The following INTS1 variants were observed in gnomAD, a reference collection of about 807,000 sequenced individuals.
INTS1 encodes the protein integrator complex subunit 1.
In INTS1, 137 loss-of-function variants were observed where a neutral mutation model predicts 241.6. The ratio of observed to expected loss-of-function variants is 0.57; its 90% confidence interval spans 0.49 to 0.65. The LOEUF is 0.65. INTS1 is among the 30% of genes least tolerant of loss of function. The pLI, the probability that INTS1 is intolerant of heterozygous loss-of-function variation, is 0.00. For synonymous variants in INTS1, 1,692 were observed against 1,337.8 expected (o/e 1.26, Z -5.78); for missense variants, 3,073 against 3,032.2 (o/e 1.01, Z -0.32).
At chr7:1,479,373 G>A (rs1781883468) in intron 31 of INTS1, 57 bp downstream of exon 31, 4 of 1,525,390 alleles carry the variant, frequency 2.6e-6, no homozygotes, top group East Asian at 2.5e-5. Context: ...GGGCCGTCCT[G>A]CGGGAGGCAG....
At position 1,473,548 on chromosome 7, in the gene INTS1, C is replaced by T. The variant is rs927402233; in HGVS notation, c.5957+18G>A. On this transcript the variant is annotated intron_variant, in intron 42 of 47. Coordinates refer to ENST00000404767, the MANE Select transcript of INTS1 (RefSeq NM_001080453.3). ...TCGCCGGAGGCCCGAGGCTTCCCTG[C>T]AGCCCGTGGGCACTCACTGGAGCGG... 1.3e-6 allele frequency: 2 copies of T among 1,574,476 alleles called. No homozygotes were observed. The highest frequency in any genetic ancestry group is 1.2e-5 in the South Asian group (1 of 86,542).
In INTS1 at chr7:1,496,721, G is replaced by A. The variant is rs191011960; in HGVS notation, c.1602+417C>T. Among the ~76,000 whole-genome samples the A allele has an allele frequency of 3.3e-5, 5 of 152,288 alleles. No individual in the cohort carries two copies. The East Asian group carries it at 9.7e-4, about 30-fold the overall frequency. Reference sequence around the variant, plus strand: ...GTCCGCAAAACAGGCCACCCCGGCAGGCTGGCTGCGAGTTGGCTGCAGGGA... The same window carrying A: ...GTCCGCAAAACAGGCCACCCCGGCAAGCTGGCTGCGAGTTGGCTGCAGGGA... On this transcript the variant is annotated intron_variant, in intron 11 of 47. Transcript: ENST00000404767.
Position 1,481,238 on chromosome 7 carries a change from G to A in INTS1, c.3850+104C>T, listed in dbSNP as rs368741185. 3.9e-5 allele frequency: 52 copies of A among 1,344,660 alleles called. No individual in the cohort carries two copies. The highest frequency in any genetic ancestry group is 5.7e-5 in the Admixed American group (3 of 52,718). 83.3% of individuals were successfully genotyped at this position (1,344,660 alleles called of 1,614,324 possible). A position where few individuals can be genotyped will look rare whatever the true frequency, so the allele number is the denominator to read the frequency against. On this transcript the variant is annotated intron_variant, in intron 28 of 47. Coordinates refer to ENST00000404767, the MANE Select transcript of INTS1 (RefSeq NM_001080453.3). The surrounding 1 kb of genome is among the most constrained non-coding windows in gnomAD (Gnocchi z 6.8). ...CCTCGAGTGCCACCCACACCCACCC[G>A]ACCTCGGATCACCCACCCGCTCGCA...
chr7:1,489,717 G>A (rs368678004), intron 16 of INTS1, 35 bp from the exon 17 acceptor site: 120 of 1,404,116 alleles, frequency 8.5e-5, no homozygotes, highest in African/African-American at 4.1e-4. Flanking sequence ...CAGGCCCAGC[G>A]CACCAAGCTC....
Position 1,481,544 on chromosome 7 carries a change from G to A in INTS1, c.3704-56C>T. 9 of 1,536,042 alleles carry A rather than the reference G, an allele frequency of 5.9e-6. No individual in the cohort carries two copies. In the South Asian group the frequency reaches 1.1e-4, roughly 19 times the overall value. The stretch of plus-strand genomic sequence containing the variant: ...CAAAACCCGGGCAATGCGCACTCGG[G>A]ACCCCACCCGAGACCTGGGGCTGCC... On this transcript the variant is annotated intron_variant, in intron 27 of 47. Coordinates refer to ENST00000404767, the MANE Select transcript of INTS1 (RefSeq NM_001080453.3). This position sits in a 1 kb window ranked among gnomAD's most constrained non-coding sequence, Gnocchi z 6.8.
In INTS1 at chr7:1,478,415, G is replaced by C. The variant is rs750535621; in HGVS notation, c.4581C>G (p.Thr1527=). 6.2e-6 allele frequency: 10 copies of C among 1,612,750 alleles called. No homozygotes were observed. Among genetic ancestry groups the C allele is most frequent in the South Asian group, 1.1e-5 (1 of 91,082 alleles). ...VSSTVRAVIA[T]LRSGEQCSVE... ...CGCTGCACTGCTCCCCAGACCTCAGGGTGGCGATGACGGCACGGACGGTGG... is the reference window on the plus strand; with the variant it reads ...CGCTGCACTGCTCCCCAGACCTCAGCGTGGCGATGACGGCACGGACGGTGG... Residue 1527 remains threonine (T), a synonymous_variant, in exon 33 of 48, where the codon ACC becomes ACG. Transcript: ENST00000404767.
In INTS1 at chr7:1,483,942, C is replaced by T. The variant is rs566481412; in HGVS notation, c.3429+61G>A. 8.2e-6 allele frequency: 13 copies of T among 1,586,444 alleles called. No homozygotes were observed. The Admixed American group carries it at 1.2e-4, about 14-fold the overall frequency. On this transcript the variant is annotated intron_variant, in intron 25 of 47. Coordinates refer to ENST00000404767, the MANE Select transcript of INTS1 (RefSeq NM_001080453.3). ...CCCAGCTGGCACCGAGCGTGCCGTGCAGCCTCACCCAGCCGTAGACCTCCT... is the reference window on the plus strand; with the variant it reads ...CCCAGCTGGCACCGAGCGTGCCGTGTAGCCTCACCCAGCCGTAGACCTCCT...
In INTS1 at chr7:1,487,049, C is replaced by T; in HGVS notation, c.2699G>A (p.Gly900Asp). The T allele has an allele frequency of 1.3e-6, 2 of 1,574,506 alleles. No individual in the cohort carries two copies. The highest frequency in any genetic ancestry group is 8.6e-7 in the Non-Finnish European group (1 of 1,164,430). The change falls in exon 21 of 48, where the codon GGC becomes GAC. Residue 900 changes from glycine to aspartate, a missense_variant. Coordinates refer to ENST00000404767, the MANE Select transcript of INTS1 (RefSeq NM_001080453.3). ...CTGCACGGGCAGCACGTCCAGGGAGCCCTCGCTGGACTGTACCAGGTCCGC... is the reference window on the plus strand; with the variant it reads ...CTGCACGGGCAGCACGTCCAGGGAGTCCTCGCTGGACTGTACCAGGTCCGC... ...WLADLVQSSE[G>D]SLDVLPVQCL...
chr7:1,471,263 T>C (rs1462784045), intron 45 of INTS1, 39 bp from the exon 46 acceptor site: 2 of 1,539,012 alleles, frequency 1.3e-6, no homozygotes, highest in Non-Finnish European at 1.8e-6. Context: ...GACCAAGGGG[T>C]CCAGCCCCCA....
rs561342731 is a variant in INTS1, at chr7:1,495,377, G to A, written c.1832+56C>T. On this transcript the variant is annotated intron_variant, in intron 13 of 47. Transcript: ENST00000404767. ...GGGGCAGGGGTTGTGCGGGGCCCCG[G>A]CTTGTCCCGGCTCAGTGGGGTGTGG... 3 of 1,567,872 alleles carry A rather than the reference G, an allele frequency of 1.9e-6. No individual in the cohort carries two copies. In the South Asian group the frequency reaches 3.4e-5, roughly 18 times the overall value.
At chr7:1,483,880 C>G in intron 25 of INTS1, 27 bp from the exon 26 acceptor site, 1 of 1,600,916 alleles carries the variant, frequency 6.2e-7, no homozygotes, top group Middle Eastern at 1.7e-4. Flanking sequence ...GGAGTCAGGC[C>G]GTAAGGTTCA....
chr7:1,488,128 G>A (rs1387210929), intron 18 of INTS1, among the ~76,000 whole-genome samples, 171 bp from the exon 19 acceptor site: 1 of 152,180 alleles, frequency 6.6e-6, no homozygotes, highest in East Asian at 1.9e-4. Context: ...TCAGAGCTGA[G>A]ACGAGAAGCC....
chr7:1,485,784 A>T (rs1170716605), intron 22 of INTS1, among the ~76,000 whole-genome samples: 1 of 152,176 alleles, frequency 6.6e-6, no homozygotes, highest in Non-Finnish European at 1.5e-5. Flanking sequence ...AAATACAGTC[A>T]GAGTGCACTG....
At position 1,471,156 on chromosome 7, in the gene INTS1, C is replaced by T. The variant is rs1179969307; in HGVS notation, c.6324G>A (p.Leu2108=). The part of the protein sequence containing the change: ...CCRNLAFSLA[L]RSMQNSPSIA... ...ACCTGGGGCTGTTCTGCATGGAGCGCAGGGCCAGGCTGAAGGCGAGGTTGC... is the reference window on the plus strand; with the variant it reads ...ACCTGGGGCTGTTCTGCATGGAGCGTAGGGCCAGGCTGAAGGCGAGGTTGC... Residue 2108 remains leucine (L), a synonymous_variant, in exon 46 of 48, where the codon CTG becomes CTA. Coordinates refer to ENST00000404767, the MANE Select transcript of INTS1 (RefSeq NM_001080453.3). 9 of 1,577,908 alleles carry T rather than the reference C, an allele frequency of 5.7e-6. No homozygotes were observed. The highest frequency in any genetic ancestry group is 2.3e-5 in the East Asian group (1 of 42,842).
chr7:1,503,889 G>C lies in INTS1; in HGVS notation c.58+14C>G. 3 of 1,521,850 alleles carry C rather than the reference G, an allele frequency of 2.0e-6. No homozygotes were observed. Among genetic ancestry groups the C allele is most frequent in the Admixed American group, 1.9e-5 (1 of 51,392 alleles). The allele number at this position is 1,521,850 out of a possible 1,614,324, so 94.3% of individuals were successfully genotyped here. ...CAAAGACCCCCGGGCTGCAGAGCGA[G>C]GAGGGAGACGCACCTGAGGGTTTGG... On this transcript the variant is annotated intron_variant, in intron 2 of 47. Coordinates refer to ENST00000404767, the MANE Select transcript of INTS1 (RefSeq NM_001080453.3).
Position 1,487,093 on chromosome 7 carries a change from C to T in INTS1, c.2655G>A (p.Ser885=), listed in dbSNP as rs201652864. The T allele has an allele frequency of 1.3e-5, 20 of 1,547,878 alleles. No individual in the cohort carries two copies. In the African/African-American group the frequency reaches 1.6e-4, roughly 13 times the overall value. The change falls in exon 21 of 48, where the codon TCG becomes TCA. Residue 885 remains serine, a synonymous_variant. Coordinates refer to ENST00000404767, the MANE Select transcript of INTS1 (RefSeq NM_001080453.3). Reference sequence around the variant, plus strand: ...GGTCCGCCAGCCAGGGCATGGACTGCGAGGAGGCCTGGGCAGGCGACAGTG... The same window carrying T: ...GGTCCGCCAGCCAGGGCATGGACTGTGAGGAGGCCTGGGCAGGCGACAGTG... ...LLHIIQRQAS[S]QSMPWLADLV...
At chr7:1,473,248 G>A (rs1203467203) in intron 42 of INTS1, 64 bp from the exon 43 acceptor site, 4 of 1,188,368 alleles carry the variant, frequency 3.4e-6, no homozygotes, top group African/African-American at 1.5e-5. Flanking sequence ...TGGGTCAGGG[G>A]TCAAACTAGG....
chr7:1,500,432 C>G, intron 3 of INTS1, 66 bp from the exon 4 acceptor site: 3 of 1,433,750 alleles, frequency 2.1e-6, no homozygotes, highest in Non-Finnish European at 2.8e-6. Context: ...CCTCGGGACA[C>G]CGGGAAGACC....
At chr7:1,495,750 C>T (rs1483881948) in intron 12 of INTS1, among the ~76,000 whole-genome samples, 197 bp from the exon 13 acceptor site, 3 of 152,170 alleles carry the variant, frequency 2.0e-5, no homozygotes, top group Admixed American at 6.5e-5. Context: ...TGACTGGAAT[C>T]CTCCTGTTCC....
Sources: gnomAD v4.1 joint callset for allele counts (sites outside exome capture counted in the v4.1 genomes callset) on GRCh38, gnomAD v4.1.1 for gene constraint, Gnocchi (gnomAD v3.1) non-coding constraint, MANE v1.5 for transcripts, NCBI Gene and HGNC (gene_info 2026-07-23, HGNC 2026-07-21) for gene names.